CUX1: variants seen among roughly 807,000 people sequenced by gnomAD.
The protein encoded by CUX1 is cut like homeobox 1.
CUX1 carries 31 observed loss-of-function variants against 158.8 expected under a neutral mutation model. The ratio of observed to expected loss-of-function variants is 0.20; its 90% CI spans 0.15 to 0.26. The LOEUF (loss-of-function observed/expected upper bound fraction) is 0.26, where lower values mean the gene tolerates loss of function less well. CUX1 is among the 10% of genes least tolerant of loss of function. The pLI is 1.00. For synonymous variants in CUX1, 879 were observed against 862.1 expected, an observed-to-expected ratio of 1.02 and a Z score of -0.34; for missense variants, 1,589 against 2,014.6, an observed-to-expected ratio of 0.79 and a Z score of 4.04.
chr7:102,247,431 C>A (rs1046310911), intron 23 of CUX1, among the ~76,000 whole-genome samples: 1 of 152,224 alleles, frequency 6.6e-6, no homozygotes, highest in Non-Finnish European at 1.5e-5. Context: ...GCACACCAGG[C>A]GCCAGTGCAA....
At chr7:102,130,047 T>C (rs563405719) in intron 8 of CUX1, among the ~76,000 whole-genome samples, 15 of 152,344 alleles carry the variant, frequency 9.8e-5, no homozygotes, top group Admixed American at 2.6e-4. Flanking sequence ...ATTGATTTCC[T>C]TCACGGCTTG....
rs935734033 is a variant in CUX1, at chr7:102,253,124, G to A, written c.*4082G>A. The A allele has an allele frequency of 4.2e-5, 41 of 985,326 alleles. No individual in the cohort carries two copies. The East Asian group carries it at 7.9e-4, about 19-fold the overall frequency. 61.0% of individuals were successfully genotyped at this position (985,326 alleles called of 1,614,324 possible). On this transcript the variant is annotated 3_prime_UTR_variant, in exon 24 of 24. Transcript: ENST00000292535. Reference sequence around the variant, plus strand: ...CTCCCTGCTCAGTTTCCTTCCTGTCGCCATCTTTGTTTTCTTCCCATTGAA... The same window carrying A: ...CTCCCTGCTCAGTTTCCTTCCTGTCACCATCTTTGTTTTCTTCCCATTGAA...
intron 20 of CUX1, among the ~76,000 whole-genome samples, chr7:102,216,584 C>T: frequency 1.8e-5 from 1 of 55,498 alleles, no homozygotes; most frequent in Non-Finnish European, 3.1e-5. Context: ...ACACACTCTC[C>T]CACACACACA....
intron 1 of CUX1, among the ~76,000 whole-genome samples, chr7:101,876,166 C>T (rs1182091006): frequency 6.6e-6 from 1 of 151,052 alleles, no homozygotes; most frequent in African/African-American, 2.4e-5. Flanking sequence ...GCCAACATGG[C>T]GAAACCCCAT....
At chr7:102,227,248 C>T in intron 20 of CUX1, 119 bp from the exon 21 acceptor site, 1 of 867,318 alleles carries the variant, frequency 1.2e-6, no homozygotes, top group Non-Finnish European at 1.8e-6. Flanking sequence ...CCACAGAAAA[C>T]CCTACCGTCT....
intron 1 of CUX1, among the ~76,000 whole-genome samples, chr7:101,905,756 C>G (rs891792378): frequency 6.6e-6 from 1 of 152,192 alleles, no homozygotes; most frequent in African/African-American, 2.4e-5. Context: ...TGTAGAGATT[C>G]CTGAACACGC....
At chr7:101,893,827 T>G (rs1476908480) in intron 1 of CUX1, among the ~76,000 whole-genome samples, 2 of 152,214 alleles carry the variant, frequency 1.3e-5, no homozygotes, top group East Asian at 3.8e-4. Flanking sequence ...CCATAAAAAT[T>G]TATATTGCAG....
chr7:101,965,116 C>T (rs994464063), intron 2 of CUX1, among the ~76,000 whole-genome samples: 4 of 152,236 alleles, frequency 2.6e-5, no homozygotes, highest in Non-Finnish European at 5.9e-5. Context: ...CCTGAGCCTC[C>T]TCGGAAATGG....
intron 8 of CUX1, among the ~76,000 whole-genome samples, chr7:102,143,944 G>A (rs567675147): frequency 3.3e-5 from 5 of 151,848 alleles, no homozygotes; most frequent in African/African-American, 9.7e-5. Flanking sequence ...CACCCCACCC[G>A]GCCAATTTTG....
rs543412557 is a variant in CUX1 at position 102,059,671 on chromosome 7, T to G, written c.190-10668T>G. ...AAAAAAATTTAAAACCCTCAAGATT[T>G]GGCCTGCGTACGTGTCTGTTTTGGA... On this transcript the variant is annotated intron_variant, in intron 3 of 23. Transcript: ENST00000292535. Among the ~76,000 whole-genome samples the G allele has an allele frequency of 7.9e-5, 12 of 151,910 alleles. No individual in the cohort carries two copies. In the South Asian group the frequency reaches 2.5e-3, roughly 32 times the overall value.
chr7:101,842,909 G>C (rs1363380160), intron 1 of CUX1, among the ~76,000 whole-genome samples: 2 of 112,654 alleles, frequency 1.8e-5, no homozygotes, highest in African/African-American at 3.5e-5. Flanking sequence ...GTCTCTCTCT[G>C]TCGCCCAGGC....
chr7:102,232,456 CAG>C (rs1554531151), intron 21 of CUX1, among the ~76,000 whole-genome samples: 1 of 152,180 alleles, frequency 6.6e-6, no homozygotes, highest in Non-Finnish European at 1.5e-5. Context: ...ATGTAAGCCA[CAG>C]AGAGAACAAG....
chr7:102,222,544 C>G (rs1554527330), intron 20 of CUX1, among the ~76,000 whole-genome samples: 1 of 152,138 alleles, frequency 6.6e-6, no homozygotes. Flanking sequence ...GCTCGCTGCT[C>G]CATTCACGCC....
intron 14 of CUX1, among the ~76,000 whole-genome samples, chr7:102,265,356 C>CA (rs34123323): frequency 0.59 from 82,889 of 141,024 alleles, 24,118 homozygotes; most frequent in African/African-American, 0.69. Context: ...AAATCTGTCT[C>CA]AAAAAAAAAA....
rs1265746888 is a variant in CUX1 at position 102,250,104 on chromosome 7, T to C, written c.*1062T>C. ...AGATCCGAATCTAGGTATTTTATAA[T>C]CTGCTTTTTAACCTCTAACCGCAGA... is the stretch of plus-strand genomic sequence containing the variant. On this transcript the variant is annotated 3_prime_UTR_variant, in exon 24 of 24. Coordinates refer to ENST00000292535, the MANE Select transcript of CUX1 (RefSeq NM_181552.4). 1.0e-6 allele frequency: 1 copy of C among 984,646 alleles called. No homozygotes were observed. Among genetic ancestry groups the C allele is most frequent in the Non-Finnish European group, 1.2e-6 (1 of 829,706 alleles). The allele number at this position is 984,646 out of a possible 1,614,324, so 61.0% of individuals were successfully genotyped here. A position where few individuals can be genotyped will look rare whatever the true frequency, so the allele number is the denominator to read the frequency against.
At chr7:101,989,509 G>A (rs1035713368) in intron 2 of CUX1, among the ~76,000 whole-genome samples, 3 of 152,310 alleles carry the variant, frequency 2.0e-5, no homozygotes, top group Admixed American at 6.5e-5. Context: ...ATTCAAACCC[G>A]AGTGGAGCGT....
chr7:101,996,998 C>T (rs760908519), intron 2 of CUX1, among the ~76,000 whole-genome samples: 1 of 152,036 alleles, frequency 6.6e-6, no homozygotes, highest in Non-Finnish European at 1.5e-5. Context: ...CTCCCCTGCG[C>T]TCGTGTGCAC....
chr7:101,847,285 G>C (rs2131223534), intron 1 of CUX1, among the ~76,000 whole-genome samples: 1 of 152,278 alleles, frequency 6.6e-6, no homozygotes, highest in East Asian at 1.9e-4. Flanking sequence ...TAGTGTGCTG[G>C]ATTCATGATA....
At chr7:102,043,341 G>GTGTC (rs1822346336) in intron 3 of CUX1, among the ~76,000 whole-genome samples, 1 of 151,188 alleles carries the variant, frequency 6.6e-6, no homozygotes, top group African/African-American at 2.4e-5. Flanking sequence ...GTGTGTGTGT[G>GTGTC]TGTGTGTGTG....
Sources: allele counts gnomAD v4.1 joint callset (sites outside exome capture counted in the v4.1 genomes callset), GRCh38; gene constraint gnomAD v4.1.1; transcripts MANE v1.5; gene names NCBI Gene and HGNC (gene_info 2026-07-23, HGNC 2026-07-21).